The following CLYBL variants were observed in gnomAD, a reference collection of about 807,000 sequenced individuals.
CLYBL encodes the protein citramalyl-CoA lyase, mitochondrial.
In CLYBL, 31 loss-of-function variants were observed where a neutral mutation model predicts 38.9. The observed-to-expected ratio is 0.80, with a 90% CI of 0.60 to 1.08. The LOEUF (loss-of-function observed/expected upper bound fraction) is 1.08. CLYBL is among the 50% of genes least tolerant of loss of function. The pLI is 0.00. For missense variants in CLYBL, 434 were observed against 411.6 expected, an observed-to-expected ratio of 1.05 and a Z score of -0.47; for synonymous variants, 171 against 158.6, an observed-to-expected ratio of 1.08 and a Z score of -0.59.
At chr13:99,608,899 G>C (rs1486632766) in intron 1 of CLYBL, among the ~76,000 whole-genome samples, 3 of 82,962 alleles carry the variant, frequency 3.6e-5, no homozygotes, top group African/African-American at 5.8e-5. Flanking sequence ...CTTTGTCTTG[G>C]TCTTTCGGTG....
At chr13:99,814,668 C>T (rs1287518702) in intron 2 of CLYBL, among the ~76,000 whole-genome samples, 1 of 147,920 alleles carries the variant, frequency 6.8e-6, no homozygotes, top group East Asian at 2.0e-4. Flanking sequence ...GTCAAGGCTG[C>T]AGTAAACTGT....
At chr13:99,722,651 C>G (rs2048411995) in intron 1 of CLYBL, among the ~76,000 whole-genome samples, 1 of 152,200 alleles carries the variant, frequency 6.6e-6, no homozygotes, top group Admixed American at 6.5e-5. Context: ...CCTCCTACCT[C>G]TCCAGGAGCA....
chr13:99,718,603 A>G (rs1323093445), intron 1 of CLYBL, among the ~76,000 whole-genome samples: 1 of 152,166 alleles, frequency 6.6e-6, no homozygotes, highest in East Asian at 1.9e-4. Flanking sequence ...AAGTCTTACT[A>G]AATTTATGTC....
chr13:99,754,835 A>T (rs1251457644), intron 1 of CLYBL, among the ~76,000 whole-genome samples: 2 of 130,246 alleles, frequency 1.5e-5, no homozygotes, highest in Non-Finnish European at 3.2e-5. Context: ...CTCGTGATCC[A>T]CTCGCCTCAG....
At chr13:99,711,032 C>T (rs907317829) in intron 1 of CLYBL, among the ~76,000 whole-genome samples, 5 of 151,828 alleles carry the variant, frequency 3.3e-5, no homozygotes, top group Middle Eastern at 3.4e-3. Context: ...GGATTACAGG[C>T]GTCTGCCACC....
chr13:99,640,580 G>A (rs2047079171), intron 1 of CLYBL, among the ~76,000 whole-genome samples: 1 of 152,210 alleles, frequency 6.6e-6, no homozygotes, highest in Admixed American at 6.5e-5. Flanking sequence ...CGTTGGTTAA[G>A]CTCTGCTTCT....
chr13:99,764,572 T>A (rs1369307639), intron 1 of CLYBL, among the ~76,000 whole-genome samples: 4 of 152,206 alleles, frequency 2.6e-5, no homozygotes, highest in Non-Finnish European at 5.9e-5. Flanking sequence ...ATTTCCGTGG[T>A]CTCAATTGTT....
At position 99,747,731 on chromosome 13, in the gene CLYBL, A is replaced by G. The variant is rs547031244; in HGVS notation, c.63-25093A>G. Among the ~76,000 whole-genome samples the G allele has an allele frequency of 2.1e-3, 320 of 152,314 alleles. 2 individuals are homozygous for G. Among genetic ancestry groups the G allele is most frequent in the African/African-American group, 7.4e-3 (306 of 41,560 alleles). On this transcript the variant is annotated intron_variant, in intron 1 of 8. Transcript: ENST00000339105. Reference sequence around the variant, plus strand: ...CACAAGGCAGATTCAGTGAGTGACAACAAAGTGCTAACAGACAGTAGCTTC... The same window carrying G: ...CACAAGGCAGATTCAGTGAGTGACAGCAAAGTGCTAACAGACAGTAGCTTC...
intron 2 of CLYBL, among the ~76,000 whole-genome samples, chr13:99,797,944 C>T (rs922469597): frequency 1.3e-5 from 2 of 152,136 alleles, no homozygotes; most frequent in Admixed American, 6.6e-5. Context: ...TAAACAGAAC[C>T]CTACTGTTTT....
At chr13:99,749,759 G>C (rs1035010119) in intron 1 of CLYBL, among the ~76,000 whole-genome samples, 1 of 152,182 alleles carries the variant, frequency 6.6e-6, no homozygotes, top group African/African-American at 2.4e-5. Context: ...GAATGGCCCT[G>C]TTCCGCCAGT....
At chr13:99,752,607 CCCTCCTGCTGCTGT>C (rs200184998) in intron 1 of CLYBL, among the ~76,000 whole-genome samples, 3,519 of 152,122 alleles carry the variant, frequency 0.023, 74 homozygotes, top group Non-Finnish European at 0.035. Flanking sequence ...CTACCCTGCC[CCCTCCTGCTGCTGT>C]CCTCCTGCTG....
intron 2 of CLYBL, among the ~76,000 whole-genome samples, chr13:99,791,995 C>T (rs138289609): frequency 1.2e-3 from 184 of 152,310 alleles, no homozygotes; most frequent in African/African-American, 4.2e-3. Context: ...AGAAAAACGC[C>T]ACTTTTCCAC....
chr13:99,854,140 T>G (rs1268706516), intron 2 of CLYBL, among the ~76,000 whole-genome samples: 1 of 152,164 alleles, frequency 6.6e-6, no homozygotes, highest in East Asian at 1.9e-4. Flanking sequence ...TATTTCTTAA[T>G]TACCAAATCT....
intron 2 of CLYBL, among the ~76,000 whole-genome samples, chr13:99,842,610 C>T (rs189534816): frequency 1.3e-5 from 2 of 152,100 alleles, no homozygotes; most frequent in Admixed American, 6.5e-5. Flanking sequence ...GGTGTAAGGA[C>T]ATCTGGTTAC....
intron 7 of CLYBL, among the ~76,000 whole-genome samples, chr13:99,873,234 G>A (rs111692057): frequency 6.6e-5 from 10 of 152,256 alleles, no homozygotes; most frequent in Admixed American, 3.9e-4. Context: ...TAAACTGGCC[G>A]GTCACAGAAA....
intron 2 of CLYBL, among the ~76,000 whole-genome samples, chr13:99,812,932 A>C (rs1393483219): frequency 6.6e-6 from 1 of 152,214 alleles, no homozygotes; most frequent in African/African-American, 2.4e-5. Context: ...CATACCTAGC[A>C]GATTTACCAG....
chr13:99,697,232 G>A (rs77165067), intron 1 of CLYBL, among the ~76,000 whole-genome samples: 5,046 of 152,250 alleles, frequency 0.033, 286 homozygotes, highest in African/African-American at 0.12. Context: ...AATTGTAAAG[G>A]GGTGTGCAGA....
intron 1 of CLYBL, among the ~76,000 whole-genome samples, chr13:99,617,594 A>T (rs1267885666): frequency 6.6e-6 from 1 of 152,022 alleles, no homozygotes; most frequent in African/African-American, 2.4e-5. Flanking sequence ...GCAATGGGAG[A>T]TGCACGCAGT....
chr13:99,879,026 A>G (rs1053217131), intron 7 of CLYBL, among the ~76,000 whole-genome samples: 2 of 152,188 alleles, frequency 1.3e-5, no homozygotes, highest in Non-Finnish European at 2.9e-5. Context: ...CGGGATGGTC[A>G]CATATGCAGA....
Sources: allele counts gnomAD v4.1 joint callset (sites outside exome capture counted in the v4.1 genomes callset), GRCh38; gene constraint gnomAD v4.1.1; transcripts MANE v1.5; gene names NCBI Gene and HGNC (gene_info 2026-07-23, HGNC 2026-07-21).